GDF3: variants seen among roughly 807,000 people sequenced by gnomAD.
The protein encoded by GDF3 is growth/differentiation factor 3.
GDF3 carries 10 observed loss-of-function variants against 10.2 expected under a neutral mutation model. The observed-to-expected ratio is 0.98, with a 90% CI of 0.60 to 1.66. The LOEUF (loss-of-function observed/expected upper bound fraction) is 1.66, where lower values mean the gene tolerates loss of function less well. GDF3 is among the 40% of genes most tolerant of loss of function. GDF3 has a pLI of 0.00. For synonymous variants in GDF3, 166 were observed against 178.5 expected (o/e 0.93, Z 0.56); for missense variants, 450 against 438.3 (o/e 1.03, Z -0.24).
chr12:7,692,372 G>A (rs963976751), intron 1 of GDF3, among the ~76,000 whole-genome samples: 1 of 151,544 alleles, frequency 6.6e-6, no homozygotes, highest in African/African-American at 2.4e-5. Flanking sequence ...AGAGGTTGTG[G>A]TGAGCCGATA....
intron 1 of GDF3, among the ~76,000 whole-genome samples, chr12:7,694,548 T>C (rs752952715): frequency 9.0e-6 from 1 of 110,530 alleles, no homozygotes; most frequent in African/African-American, 3.5e-5. Context: ...TACTCCAGCC[T>C]GGGGGACAGA....
At chr12:7,691,666 T>C (rs1864131574) in intron 1 of GDF3, among the ~76,000 whole-genome samples, 1 of 151,818 alleles carries the variant, frequency 6.6e-6, no homozygotes, top group African/African-American at 2.4e-5. Context: ...TGTTATGTAT[T>C]ACATGAATAA....
In GDF3 at chr12:7,690,012, C is replaced by T; in HGVS notation, c.961G>A (p.Asp321Asn). ...AFMQALMHAV[D>N]PEIPQAVCIP... ...CACACAGCCTGGGGGATCTCTGGGT[C>T]AACGGCATGCATCAGGGCTTGCATG... Residue 321 changes from aspartate (D) to asparagine (N), a missense_variant, in exon 2 of 2, where the codon GAC (aspartate) becomes AAC (asparagine). By Grantham distance (23) the Asp-to-Asn change is conservative (BLOSUM62 1). Coordinates refer to ENST00000329913, the MANE Select transcript of GDF3 (RefSeq NM_020634.3). 6.2e-7 allele frequency: 1 copy of T among 1,613,984 alleles called. No individual in the cohort carries two copies. Among genetic ancestry groups the T allele is most frequent in the Non-Finnish European group, 8.5e-7 (1 of 1,179,958 alleles).
In GDF3 at chr12:7,695,705, C is replaced by T; in HGVS notation, c.24G>A (p.Leu8=). ...CCAGAATTAACAGGAAGCTGAAAGCCAAATCTGGCAAGAAACGAAGCATGG... is the reference window on the plus strand; with the variant it reads ...CCAGAATTAACAGGAAGCTGAAAGCTAAATCTGGCAAGAAACGAAGCATGG... The part of the protein sequence containing the change: MLRFLPD[L]AFSFLLILAL... Residue 8 remains leucine (L), a synonymous_variant, in exon 1 of 2, where the codon TTG becomes TTA. Coordinates refer to ENST00000329913, the MANE Select transcript of GDF3 (RefSeq NM_020634.3). The T allele has an allele frequency of 6.2e-7, 1 of 1,614,110 alleles. No individual in the cohort carries two copies. The highest frequency in any genetic ancestry group is 8.5e-7 in the Non-Finnish European group (1 of 1,180,014).
At chr12:7,695,440 G>C in intron 1 of GDF3, 21 bp downstream of exon 1, 1 of 1,611,268 alleles carries the variant, frequency 6.2e-7, no homozygotes, top group Non-Finnish European at 8.5e-7. Flanking sequence ...TGTTTTTCTG[G>C]ATAACACTCT....
In GDF3 at chr12:7,689,882, C is replaced by T. The variant is rs758777639; in HGVS notation, c.1091G>A (p.Gly364Glu). The T allele has an allele frequency of 2.5e-6, 4 of 1,597,024 alleles. No individual in the cohort carries two copies. The highest frequency in any genetic ancestry group is 2.2e-5 in the East Asian group (1 of 44,834). ...TCTATTCCCATTTCTGACATCCTAC[C>T]CACACCCACATTCATCGACTACCAT... The part of the protein sequence containing the change: ...EDMVVDECGC[G>E] Residue 364 changes from glycine to glutamate, a missense_variant, in exon 2 of 2, where the codon GGG (glycine) becomes GAG (glutamate). Gly to Glu is a moderately conservative substitution (Grantham distance 98). Transcript: ENST00000329913.
intron 1 of GDF3, 21 bp downstream of exon 1, chr12:7,695,440 G>T: frequency 6.2e-7 from 1 of 1,611,268 alleles, no homozygotes; most frequent in Non-Finnish European, 8.5e-7. Context: ...TGTTTTTCTG[G>T]ATAACACTCT....
In GDF3 at chr12:7,690,599, G is replaced by A. The variant is rs774698812; in HGVS notation, c.374C>T (p.Ala125Val). 5.6e-6 allele frequency: 9 copies of A among 1,606,810 alleles called. No homozygotes were observed. The South Asian group carries it at 1.0e-4, about 18-fold the overall frequency. ...GGGCCCCAAGTCCAGGCCCAGCTGG[G>A]CCAATGTCAACTGTTCCCTTTCTTT... ...AIKEREQLTL[A>V]QLGLDLGPNS... The change falls in exon 2 of 2, where the codon GCC (alanine) becomes GTC (valine). Residue 125 changes from alanine to valine, a missense_variant. Ala to Val is a moderately conservative substitution (Grantham distance 64, BLOSUM62 0). Coordinates refer to ENST00000329913, the MANE Select transcript of GDF3 (RefSeq NM_020634.3).
At chr12:7,693,982 G>A (rs1424613917) in intron 1 of GDF3, among the ~76,000 whole-genome samples, 1 of 152,014 alleles carries the variant, frequency 6.6e-6, no homozygotes, top group African/African-American at 2.4e-5. Context: ...GGAAGAACAA[G>A]AGGAAGAAGA....
rs1164378662 is a variant in GDF3 at position 7,695,711 on chromosome 12, T to G, written c.18A>C (p.Pro6=). MLRFL[P]DLAFSFLLIL... Reference sequence around the variant, plus strand: ...TTAACAGGAAGCTGAAAGCCAAATCTGGCAAGAAACGAAGCATGGCCTCTG... The same window carrying G: ...TTAACAGGAAGCTGAAAGCCAAATCGGGCAAGAAACGAAGCATGGCCTCTG... The change falls in exon 1 of 2, where the codon CCA becomes CCC. Residue 6 remains proline, a synonymous_variant. Coordinates refer to ENST00000329913, the MANE Select transcript of GDF3 (RefSeq NM_020634.3). 3 of 1,614,148 alleles carry G rather than the reference T, an allele frequency of 1.9e-6. No individual in the cohort carries two copies. In the Admixed American group the frequency reaches 5.0e-5, roughly 27 times the overall value.
rs767006467 is a variant in GDF3 at position 7,695,634 on chromosome 12, A to T, written c.95T>A (p.Phe32Tyr). Residue 32 changes from phenylalanine (F) to tyrosine (Y), a missense_variant, in exon 1 of 2, where the codon TTT (phenylalanine) becomes TAT (tyrosine). Physicochemically the swap from Phe to Tyr is conservative, Grantham distance 22. Coordinates refer to ENST00000329913, the MANE Select transcript of GDF3 (RefSeq NM_020634.3). ...VQFQEYVFLQ[F>Y]LGLDKAPSPQ... is the part of the protein sequence containing the mutation. ...TGAAGGCGCCTTATCTAAGCCCAGA[A>T]ATTGGAGAAAGACATATTCTTGAAA... 4 of 1,614,118 alleles carry T rather than the reference A, an allele frequency of 2.5e-6. No individual in the cohort carries two copies. In the Admixed American group the frequency reaches 6.7e-5, roughly 27 times the overall value.
rs780949985 is a variant in GDF3, at chr12:7,690,327, A to T, written c.646T>A (p.Phe216Ile). The T allele has an allele frequency of 6.2e-7, 1 of 1,614,020 alleles. No homozygotes were observed. Among genetic ancestry groups the T allele is most frequent in the East Asian group, 2.2e-5 (1 of 44,872 alleles). The part of the protein sequence containing the change: ...VKEDRDSGVN[F>I]QPEDTCARLR... ...CTGGCACAGGTGTCTTCAGGCTGAAAATTCACCCCTGAGTCTCTATCTTCT... is the reference window on the plus strand; with the variant it reads ...CTGGCACAGGTGTCTTCAGGCTGAATATTCACCCCTGAGTCTCTATCTTCT... Residue 216 changes from phenylalanine (F) to isoleucine (I), a missense_variant, in exon 2 of 2, where the codon TTT (phenylalanine) becomes ATT (isoleucine). Physicochemically the swap from Phe to Ile is conservative, Grantham distance 21. Transcript: ENST00000329913.
chr12:7,695,352 GA>G, intron 1 of GDF3, 108 bp downstream of exon 1: 2 of 1,052,130 alleles, frequency 1.9e-6, no homozygotes, highest in Non-Finnish European at 1.5e-6. Flanking sequence ...GACAAAATAT[GA>G]AAAATACCAG....
Position 7,690,067 on chromosome 12 carries a change from G to A in GDF3, c.906C>T (p.Thr302=), listed in dbSNP as rs1316983030. 1.2e-6 allele frequency: 2 copies of A among 1,614,104 alleles called. No individual in the cohort carries two copies. The highest frequency in any genetic ancestry group is 1.7e-6 in the Non-Finnish European group (2 of 1,180,006). Residue 302 remains threonine, a synonymous_variant, in exon 2 of 2, where the codon ACC becomes ACT. Coordinates refer to ENST00000329913, the MANE Select transcript of GDF3 (RefSeq NM_020634.3). ...YCHGECPFSL[T]ISLNSSNYAF... is the part of the protein sequence containing the mutation. ...CATAATTGGAGCTGTTGAGAGAGAT[G>A]GTCAGTGAGAAGGGACACTCTCCAT...
At chr12:7,692,509 ATTT>A (rs753587940) in intron 1 of GDF3, among the ~76,000 whole-genome samples, 2 of 135,692 alleles carry the variant, frequency 1.5e-5, no homozygotes, top group South Asian at 2.3e-4. Flanking sequence ...ATTGGCTTTA[ATTT>A]TTTTTTTTTT....
chr12:7,691,929 C>T (rs1251877765), intron 1 of GDF3, among the ~76,000 whole-genome samples: 1 of 151,614 alleles, frequency 6.6e-6, no homozygotes, highest in Non-Finnish European at 1.5e-5. Flanking sequence ...ATGGTGTGAA[C>T]CCGGGAGGCG....
chr12:7,695,759 AGCTCCACT>A lies in GDF3; in HGVS notation c.-39_-32del. 6.2e-7 allele frequency: 1 copy of A among 1,613,136 alleles called. No homozygotes were observed. The highest frequency in any genetic ancestry group is 8.5e-7 in the Non-Finnish European group (1 of 1,179,468). ...CTGGAGTGGCTGTCAGACCGGGGAG[AGCTCCACT>A]GCCAGACTGCCCAACAATTCAGAGG... is the stretch of plus-strand genomic sequence containing the variant. On this transcript the variant is annotated 5_prime_UTR_variant, in exon 1 of 2. Transcript: ENST00000329913.
At position 7,690,539 on chromosome 12, in the gene GDF3, A is replaced by G. The variant is rs751673182; in HGVS notation, c.434T>C (p.Leu145Pro). 1 of 1,610,518 alleles carries G rather than the reference A, an allele frequency of 6.2e-7. No homozygotes were observed. Among genetic ancestry groups the G allele is most frequent in the African/African-American group, 1.3e-5 (1 of 74,910 alleles). The change falls in exon 2 of 2, where the codon CTG (leucine) becomes CCG (proline). Residue 145 changes from leucine to proline, a missense_variant. Coordinates refer to ENST00000329913, the MANE Select transcript of GDF3 (RefSeq NM_020634.3). The part of the protein sequence containing the change: ...SYYNLGPELE[L>P]ALFLVQEPHV... ...AGGCTCCTGAACCAGGAACAGAGCC[A>G]GTTCCAGCTCTGGTCCCAGGTTATA...
intron 1 of GDF3, among the ~76,000 whole-genome samples, chr12:7,691,789 CG>C (rs1864133058): frequency 1.3e-5 from 2 of 150,978 alleles, no homozygotes; most frequent in Non-Finnish European, 1.5e-5. Flanking sequence ...GGGCGGATCA[CG>C]AGATGAGGAG....
Sources: allele counts gnomAD v4.1 joint callset (sites outside exome capture counted in the v4.1 genomes callset), GRCh38; gene constraint gnomAD v4.1.1; transcripts MANE v1.5; gene names NCBI Gene and HGNC (gene_info 2026-07-23, HGNC 2026-07-21).